IL1RL1: variants seen among roughly 807,000 people sequenced by gnomAD.
IL1RL1 encodes the protein interleukin 1 receptor like 1.
IL1RL1 carries 32 observed loss-of-function variants against 50.9 expected under a neutral mutation model. The ratio of observed to expected loss-of-function variants is 0.63; its 90% CI spans 0.47 to 0.84. IL1RL1 has a LOEUF of 0.84. Among genes scored for constraint, IL1RL1 ranks in the 40% least tolerant of loss-of-function variants. The pLI is 0.00. For synonymous variants in IL1RL1, 275 were observed against 236.0 expected (o/e 1.17, Z -1.51); for missense variants, 773 against 662.9 (o/e 1.17, Z -1.82).
chr2:102,323,277 T>TATATA (rs1559596439), intron 1 of IL1RL1, among the ~76,000 whole-genome samples: 7 of 33,872 alleles, frequency 2.1e-4, no homozygotes, highest in African/African-American at 6.9e-4. Flanking sequence ...ATATATAGTG[T>TATATA]GTGTGTGTGT....
At chr2:102,349,347 AC>A in intron 10 of IL1RL1, 101 bp downstream of exon 10, 1 of 884,592 alleles carries the variant, frequency 1.1e-6, no homozygotes, top group Non-Finnish European at 1.8e-6. Flanking sequence ...TGCATTTACT[AC>A]CACAGGCCTT....
chr2:102,317,566 G>C (rs1206249194), intron 1 of IL1RL1, among the ~76,000 whole-genome samples: 1 of 151,922 alleles, frequency 6.6e-6, no homozygotes, highest in East Asian at 1.9e-4. Flanking sequence ...AGTACAATTT[G>C]TGATATTTTT....
chr2:102,349,295 G>T, intron 10 of IL1RL1, 49 bp downstream of exon 10: 4 of 1,523,070 alleles, frequency 2.6e-6, no homozygotes, highest in Non-Finnish European at 3.6e-6. Context: ...CTTATTAAAG[G>T]CTGTGAACTA....
At chr2:102,343,540 C>A in intron 8 of IL1RL1, 125 bp downstream of exon 8, 2 of 1,577,472 alleles carry the variant, frequency 1.3e-6, no homozygotes, top group South Asian at 2.3e-5. Flanking sequence ...ATGTGCTTCT[C>A]TTCTTCGGGA....
At chr2:102,335,385 G>T (rs112593736) in intron 1 of IL1RL1, among the ~76,000 whole-genome samples, 16 of 115,152 alleles carry the variant, frequency 1.4e-4, no homozygotes, top group Admixed American at 8.8e-4. Context: ...GTTGACATTG[G>T]GGGGAGAAAA....
At position 102,343,155 on chromosome 2, in the gene IL1RL1, C is replaced by G. The variant is rs759217103; in HGVS notation, c.802C>G (p.Gln268Glu). ...AGACTTTGGTGAACCAAGAATTCAA[C>G]AAGAGGAAGGGCAAAATCAAAGGTA... ...ITDFGEPRIQ[Q>E]EEGQNQSFSN... Residue 268 changes from glutamine to glutamate, a missense_variant, in exon 7 of 11, where the codon CAA (glutamine) becomes GAA (glutamate). Transcript: ENST00000233954. 8 of 1,614,076 alleles carry G rather than the reference C, an allele frequency of 5.0e-6. No individual in the cohort carries two copies. Among genetic ancestry groups the G allele is most frequent in the Non-Finnish European group, 6.8e-6 (8 of 1,180,004 alleles).
intron 1 of IL1RL1, among the ~76,000 whole-genome samples, chr2:102,311,951 T>G (rs1297136771): frequency 4.8e-5 from 2 of 41,534 alleles, no homozygotes; most frequent in South Asian, 4.9e-4. Flanking sequence ...ATATTATATA[T>G]AATATATATT....
In IL1RL1 at chr2:102,351,560, A is replaced by G. The variant is rs904723998; in HGVS notation, c.1310A>G (p.Asn437Ser). The G allele has an allele frequency of 1.2e-6, 2 of 1,614,056 alleles. No individual in the cohort carries two copies. The highest frequency in any genetic ancestry group is 1.3e-5 in the African/African-American group (1 of 75,044). The change falls in exon 11 of 11, where the codon AAC becomes AGC. Residue 437 changes from asparagine (N) to serine (S), a missense_variant. Asn to Ser is a conservative substitution (Grantham distance 46, BLOSUM62 1). Transcript: ENST00000233954. ...GEDVVTAVETNIRKSRRHIFI... is the reference protein window; with the variant it reads ...GEDVVTAVETSIRKSRRHIFI... ...GATGTAGTCACTGCAGTGGAAACCA[A>G]CATACGAAAGAGCAGGCGGCACATT...
intron 1 of IL1RL1, among the ~76,000 whole-genome samples, chr2:102,317,270 C>T (rs920282020): frequency 1.3e-4 from 20 of 151,988 alleles, no homozygotes; most frequent in Non-Finnish European, 1.9e-4. Flanking sequence ...AGGAGAATGG[C>T]GTGAACCCAG....
In IL1RL1 at chr2:102,339,005, C is replaced by T; in HGVS notation, c.230C>T (p.Ala77Val). The T allele has an allele frequency of 6.2e-7, 1 of 1,613,838 alleles. No homozygotes were observed. Among genetic ancestry groups the T allele is most frequent in the Non-Finnish European group, 8.5e-7 (1 of 1,179,776 alleles). The change falls in exon 3 of 11, where the codon GCT becomes GTT. Residue 77 changes from alanine to valine, a missense_variant. Coordinates refer to ENST00000233954, the MANE Select transcript of IL1RL1 (RefSeq NM_016232.5). ...ASGQLLKFLP[A>V]AVADSGIYTC... is the part of the protein sequence containing the mutation. ...GGCCAACTTCTGAAGTTTCTACCAGCTGCAGTTGCTGATTCTGGTATTTAT... is the reference window on the plus strand; with the variant it reads ...GGCCAACTTCTGAAGTTTCTACCAGTTGCAGTTGCTGATTCTGGTATTTAT...
At chr2:102,344,268 C>A in intron 8 of IL1RL1, 1 of 231,936 alleles carries the variant, frequency 4.3e-6, no homozygotes, top group Non-Finnish European at 7.1e-6. Flanking sequence ...AATCACCTCC[C>A]ACCAGGCTCC....
intron 5 of IL1RL1, chr2:102,341,310 G>A: frequency 1.6e-6 from 2 of 1,241,992 alleles, no homozygotes; most frequent in South Asian, 2.9e-5. Flanking sequence ...TTGTCGAGTG[G>A]TTTTTAATCT....
At chr2:102,322,539 G>A (rs891746355) in intron 1 of IL1RL1, among the ~76,000 whole-genome samples, 3 of 152,128 alleles carry the variant, frequency 2.0e-5, no homozygotes, top group Non-Finnish European at 2.9e-5. Flanking sequence ...GACATTTATC[G>A]TGTTGTGACA....
chr2:102,324,940 A>G (rs1446324888), intron 1 of IL1RL1, among the ~76,000 whole-genome samples: 1 of 152,210 alleles, frequency 6.6e-6, no homozygotes, highest in Non-Finnish European at 1.5e-5. Flanking sequence ...GCATAGCTAA[A>G]CAAAAGGCAG....
intron 1 of IL1RL1, among the ~76,000 whole-genome samples, chr2:102,320,021 C>T (rs1357892081): frequency 1.3e-5 from 2 of 152,180 alleles, no homozygotes; most frequent in African/African-American, 4.8e-5. Flanking sequence ...AAAAACTTTT[C>T]TTTATTCTCT....
intron 6 of IL1RL1, 21 bp downstream of exon 6, chr2:102,342,315 G>T: frequency 6.5e-7 from 1 of 1,540,158 alleles, no homozygotes. Flanking sequence ...TTATCAGAAT[G>T]CTGTAAATAT....
chr2:102,331,122 C>G (rs1677167401), intron 1 of IL1RL1, among the ~76,000 whole-genome samples: 1 of 152,212 alleles, frequency 6.6e-6, no homozygotes, highest in African/African-American at 2.4e-5. Flanking sequence ...CCATACCACA[C>G]TGTTTTCACT....
chr2:102,315,516 A>C (rs557208818), intron 1 of IL1RL1, among the ~76,000 whole-genome samples: 1 of 152,282 alleles, frequency 6.6e-6, no homozygotes, highest in African/African-American at 2.4e-5. Context: ...ATGACTCTTT[A>C]GGAACAGTGA....
Position 102,348,036 on chromosome 2 carries a change from G to T in IL1RL1, c.1062G>T (p.Trp354Cys). The T allele has an allele frequency of 6.2e-7, 1 of 1,611,814 alleles. No individual in the cohort carries two copies. Among genetic ancestry groups the T allele is most frequent in the Middle Eastern group, 1.7e-4 (1 of 6,058 alleles). Residue 354 changes from tryptophan to cysteine, a missense_variant, in exon 9 of 11, where the codon TGG becomes TGT. Physicochemically the swap from Trp to Cys is radical, Grantham distance 215. Transcript: ENST00000233954. ...TGGTTATCATCCTAAAAATGTTCTG[G>T]ATTGAGGCCACTCTGCTCTGGAGAG... is the stretch of plus-strand genomic sequence containing the variant. Reference protein sequence around the residue: ...NVLVIILKMFWIEATLLWRDI... With the variant: ...NVLVIILKMFCIEATLLWRDI...
Sources: gnomAD v4.1 joint callset for allele counts (sites outside exome capture counted in the v4.1 genomes callset) on GRCh38, gnomAD v4.1.1 for gene constraint, MANE v1.5 for transcripts, NCBI Gene and HGNC (gene_info 2026-07-23, HGNC 2026-07-21) for gene names.